The following TTC34 variants were observed in gnomAD, a reference collection of about 807,000 sequenced individuals.
TTC34 encodes the protein tetratricopeptide repeat protein 34.
In TTC34, 44 loss-of-function variants were observed where a neutral mutation model predicts 40.7. The observed-to-expected ratio is 1.08, with a 90% CI of 0.85 to 1.39. The LOEUF is 1.39. Among genes scored for constraint, TTC34 ranks in the 40% most tolerant of loss-of-function variants. The pLI is 0.00. For synonymous variants in TTC34, 422 were observed against 398.6 expected (o/e 1.06, Z -0.70); for missense variants, 884 against 838.0 (o/e 1.05, Z -0.68).
chr1:2,673,385 G>A (rs1338362912), intron 6 of TTC34, among the ~76,000 whole-genome samples: 110 of 45,734 alleles, frequency 2.4e-3, no homozygotes, highest in African/African-American at 4.7e-3. Flanking sequence ...GGCCTGGGTC[G>A]GCACCCACAC....
chr1:2,753,299 C>CCA (rs1641388182), intron 6 of TTC34, among the ~76,000 whole-genome samples: 4 of 79,210 alleles, frequency 5.0e-5, no homozygotes, highest in African/African-American at 2.5e-4. Context: ...CCTGCACACC[C>CCA]AGGTGAGCAT....
At chr1:2,776,409 A>G (rs1470988102) in intron 6 of TTC34, 1 of 136,848 alleles carries the variant, frequency 7.3e-6, no homozygotes, top group Non-Finnish European at 1.5e-5. Context: ...TCACATCCCC[A>G]GGTAAGATTC....
chr1:2,793,309 G>T (rs1038116628), intron 2 of TTC34, among the ~76,000 whole-genome samples: 2 of 152,108 alleles, frequency 1.3e-5, no homozygotes, highest in African/African-American at 4.8e-5. Context: ...CTCTTTTGGG[G>T]AATGCTTTTG....
In TTC34 at chr1:2,796,871, T is replaced by G. The variant is rs1454228591; in HGVS notation, c.784+3173A>C. On this transcript the variant is annotated intron_variant, in intron 2 of 8. Coordinates refer to ENST00000401095, the Ensembl canonical transcript of TTC34. The surrounding 1 kb of genome is among the most constrained non-coding windows in gnomAD (Gnocchi z 4.5). ...TTTGCAGCTCTCTCTAACTGGTTCC[T>G]GCCCCACCCTCTCGTTGGGGTCACC... is the stretch of plus-strand genomic sequence containing the variant. 6.6e-6 allele frequency among the ~76,000 whole-genome samples: 1 copy of G among 152,216 alleles called. No homozygotes were observed. The highest frequency in any genetic ancestry group is 1.5e-5 in the Non-Finnish European group (1 of 68,034).
chr1:2,685,138 G>C (rs1385060219), intron 6 of TTC34, among the ~76,000 whole-genome samples: 3 of 111,142 alleles, frequency 2.7e-5, no homozygotes, highest in African/African-American at 4.1e-5. Flanking sequence ...AGCATCGGAC[G>C]GCCTGGAACA....
At chr1:2,752,322 C>A (rs1455171081) in intron 6 of TTC34, among the ~76,000 whole-genome samples, 1 of 14,358 alleles carries the variant, frequency 7.0e-5, no homozygotes, top group African/African-American at 1.5e-4. Flanking sequence ...CCTGGAACAG[C>A]ACGCACACCC....
chr1:2,688,626 T>C (rs1383849540), intron 6 of TTC34, among the ~76,000 whole-genome samples: 1 of 123,828 alleles, frequency 8.1e-6, no homozygotes, highest in Non-Finnish European at 1.7e-5. Flanking sequence ...GGTGCGCATC[T>C]GATGGTCTGG....
At chr1:2,764,147 G>C (rs1489556332) in intron 6 of TTC34, among the ~76,000 whole-genome samples, 2 of 147,754 alleles carry the variant, frequency 1.4e-5, no homozygotes, top group African/African-American at 5.0e-5. Flanking sequence ...CACTCTTCCA[G>C]GTGAGAATCT....
chr1:2,699,531 CAT>C (rs1641031237), intron 6 of TTC34, among the ~76,000 whole-genome samples: 1 of 143,202 alleles, frequency 7.0e-6, no homozygotes, highest in African/African-American at 2.5e-5. Context: ...ACACCACCCA[CAT>C]CCCCAGGTGA....
rs983523859 is a variant in TTC34, at chr1:2,651,236, G to A, written c.2227-5673C>T. ...CTGCCTGGAACGGCACTCACACCCC[G>A]AGGTGAATGTGTGACAGCCTGAAAC... On this transcript the variant is annotated intron_variant, in intron 6 of 8. Transcript: ENST00000401095. 2.7e-5 allele frequency among the ~76,000 whole-genome samples: 4 copies of A among 150,828 alleles called. No homozygotes were observed. The South Asian group carries it at 6.3e-4, about 24-fold the overall frequency.
intron 6 of TTC34, among the ~76,000 whole-genome samples, chr1:2,751,610 C>A (rs1199302528): frequency 6.1e-5 from 7 of 114,060 alleles, no homozygotes; most frequent in East Asian, 2.7e-4. Flanking sequence ...ACCCACACCC[C>A]CAGGCGAGCA....
intron 6 of TTC34, among the ~76,000 whole-genome samples, chr1:2,687,185 C>G (rs28436796): frequency 0.24 from 24,825 of 105,378 alleles, 3,283 homozygotes; most frequent in Middle Eastern, 0.32. Context: ...GCATCTGAAC[C>G]CACGGAGCAG....
intron 6 of TTC34, among the ~76,000 whole-genome samples, chr1:2,657,416 A>G (rs1347826807): frequency 2.8e-4 from 21 of 74,202 alleles, no homozygotes; most frequent in African/African-American, 8.6e-4. Flanking sequence ...GAGCAGTACC[A>G]GTACCCCCAG....
intron 6 of TTC34, among the ~76,000 whole-genome samples, chr1:2,695,054 C>CCCTGG (rs1640798017): frequency 3.9e-4 from 24 of 61,754 alleles, no homozygotes; most frequent in South Asian, 4.7e-4. Flanking sequence ...GCATCTGACA[C>CCCTGG]ACTGAAACAG....
At chr1:2,793,215 G>A (rs1339082939) in intron 2 of TTC34, among the ~76,000 whole-genome samples, 4 of 152,132 alleles carry the variant, frequency 2.6e-5, no homozygotes, top group African/African-American at 9.7e-5. Flanking sequence ...GTGGAAAATG[G>A]TCTCTCATTG....
At chr1:2,688,370 GCCCAGGTGAGCATCTGACAGCCTGGAACA>G in intron 6 of TTC34, among the ~76,000 whole-genome samples, 1 of 63,186 alleles carries the variant, frequency 1.6e-5, no homozygotes. Context: ...GCACCCACAC[GCCCAGGTGAGCATCTGACAGCCTGGAACA>G]GCACCCACAC....
In TTC34 at chr1:2,747,953, C is replaced by T. The variant is rs1446506866; in HGVS notation, c.2226+35656G>A. ...AGCATCTGACATCGTGGAGCAGCAC[C>T]CCACACCCATAGGTGAGCATCTGAC... On this transcript the variant is annotated intron_variant, in intron 6 of 8. Transcript: ENST00000401095. Among the ~76,000 whole-genome samples, 20 of 63,440 alleles carry T rather than the reference C, an allele frequency of 3.2e-4. 3 individuals carry two copies. The highest frequency in any genetic ancestry group is 4.9e-4 in the Non-Finnish European group (18 of 36,894). 41.6% of individuals were successfully genotyped at this position (63,440 alleles called of 152,430 possible).
intron 6 of TTC34, chr1:2,773,698 C>T (rs1329573392): frequency 3.2e-5 from 4 of 126,448 alleles, no homozygotes; most frequent in African/African-American, 1.3e-4. Context: ...GCACCCACAC[C>T]CCCAGGTGAG....
At chr1:2,752,728 CTG>C (rs1641364659) in intron 6 of TTC34, among the ~76,000 whole-genome samples, 1 of 129,628 alleles carries the variant, frequency 7.7e-6, no homozygotes, top group Non-Finnish European at 1.6e-5. Flanking sequence ...GAACAGCACC[CTG>C]CACCCCCAGG....
Sources: allele counts gnomAD v4.1 joint callset (sites outside exome capture counted in the v4.1 genomes callset), GRCh38; gene constraint gnomAD v4.1.1; non-coding constraint Gnocchi (gnomAD v3.1); transcripts MANE v1.5; gene names NCBI Gene and HGNC (gene_info 2026-07-23, HGNC 2026-07-21).